The following MAP4K1 variants were observed in gnomAD, a reference collection of about 807,000 sequenced individuals.
The protein encoded by MAP4K1 is MAPK/ERK kinase kinase kinase 1.
MAP4K1 carries 35 observed loss-of-function variants against 122.8 expected under a neutral mutation model. The ratio of observed to expected loss-of-function variants is 0.29; its 90% confidence interval spans 0.22 to 0.38. The LOEUF is 0.38. MAP4K1 is among the 10% of genes least tolerant of loss of function. MAP4K1 has a pLI of 1.00. For synonymous variants in MAP4K1, 412 were observed against 421.3 expected (o/e 0.98, Z 0.27); for missense variants, 791 against 1,072.6 (o/e 0.74, Z 3.67).
intron 8 of MAP4K1, 36 bp downstream of exon 8, chr19:38,613,844 C>G (rs749986966): frequency 1.3e-6 from 2 of 1,543,992 alleles, no homozygotes; most frequent in South Asian, 1.2e-5. Context: ...CACTGACCCC[C>G]ACTCCACCCC....
rs768075136 is a variant in MAP4K1, at chr19:38,610,019, G to C, written c.817C>G (p.Leu273Val). The C allele has an allele frequency of 1.2e-6, 2 of 1,611,868 alleles. No individual in the cohort carries two copies. The highest frequency in any genetic ancestry group is 1.7e-6 in the Non-Finnish European group (2 of 1,177,946). Reference protein sequence around the residue: ...PSATKMLSHQLVSQPGLNRGL... With the variant: ...PSATKMLSHQVVSQPGLNRGL... ...CGATTCAGCCCAGGCTGGGATACCA[G>C]TTGATGCTGGCGGAGGGAAGAGGTG... The change falls in exon 12 of 31, where the codon CTG becomes GTG. Residue 273 changes from leucine (L) to valine (V), a missense_variant. Leu to Val is a conservative substitution (Grantham distance 32). Transcript: ENST00000396857.
At chr19:38,612,929 C>T (rs1004816981) in intron 8 of MAP4K1, among the ~76,000 whole-genome samples, 187 bp from the exon 9 acceptor site, 8 of 152,150 alleles carry the variant, frequency 5.3e-5, no homozygotes, top group East Asian at 3.8e-4. Context: ...CGATGGCTCA[C>T]GCCTGTAATC....
chr19:38,597,396 G>A lies in MAP4K1; in HGVS notation c.1779-12C>T, dbSNP rs1466135699. 2 of 1,614,038 alleles carry A rather than the reference G, an allele frequency of 1.2e-6. No individual in the cohort carries two copies. The highest frequency in any genetic ancestry group is 1.1e-5 in the South Asian group (1 of 91,082). On this transcript the variant is annotated splice_polypyrimidine_tract_variant and intron_variant, in intron 23 of 30. Transcript: ENST00000396857. This position sits in a 1 kb window ranked among gnomAD's most constrained non-coding sequence, Gnocchi z 4.6. ...AAACCATGTTCTTCCTGGAGAATAG[G>A]TAGGTGTGAAGGGGGGTAGGACAGC...
At chr19:38,602,581 T>A (rs984536474) in intron 19 of MAP4K1, among the ~76,000 whole-genome samples, 3 of 148,458 alleles carry the variant, frequency 2.0e-5, no homozygotes, top group Non-Finnish European at 4.5e-5. Context: ...TACATATATA[T>A]ACACATGTAC....
chr19:38,617,483 G>C lies in MAP4K1; in HGVS notation c.158-39C>G. 6.3e-7 allele frequency: 1 copy of C among 1,591,096 alleles called. No individual in the cohort carries two copies. On this transcript the variant is annotated intron_variant, in intron 2 of 30. Coordinates refer to ENST00000396857, the MANE Select transcript of MAP4K1 (RefSeq NM_001042600.3). The surrounding 1 kb of genome is among the most constrained non-coding windows in gnomAD (Gnocchi z 4.1). Reference sequence around the variant, plus strand: ...GGGAGAGAAAAGGCAGCTCGCATGGGGAGAGAGCTACAGGGGAGGTGATCC... The same window carrying C: ...GGGAGAGAAAAGGCAGCTCGCATGGCGAGAGAGCTACAGGGGAGGTGATCC...
intron 30 of MAP4K1, among the ~76,000 whole-genome samples, chr19:38,588,027 C>T (rs1487784382): frequency 2.0e-5 from 3 of 152,124 alleles, no homozygotes; most frequent in Non-Finnish European, 2.9e-5. Context: ...AAAAGCATGG[C>T]ATGTCTGGCA....
At chr19:38,616,141 G>C in intron 4 of MAP4K1, 54 bp downstream of exon 4, 1 of 1,445,328 alleles carries the variant, frequency 6.9e-7, no homozygotes, top group African/African-American at 1.5e-5. Context: ...TTGGGTCGGG[G>C]TTGGGGGGTG....
chr19:38,596,073 A>C, intron 26 of MAP4K1, 72 bp from the exon 27 acceptor site: 1 of 1,467,784 alleles, frequency 6.8e-7, no homozygotes, highest in Non-Finnish European at 9.5e-7. Flanking sequence ...CCAGAAGGCC[A>C]GTACCTGTGC....
intron 13 of MAP4K1, among the ~76,000 whole-genome samples, chr19:38,609,067 A>G (rs925638594): frequency 6.6e-6 from 1 of 152,114 alleles, no homozygotes; most frequent in African/African-American, 2.4e-5. Flanking sequence ...CCGTTTGGGT[A>G]TTGAGGTTCT....
At chr19:38,589,631 T>C (rs1974645443) in intron 30 of MAP4K1, among the ~76,000 whole-genome samples, 1 of 151,982 alleles carries the variant, frequency 6.6e-6, no homozygotes, top group Admixed American at 6.6e-5. Flanking sequence ...GTCAGGCTGG[T>C]CTCAAACTCC....
chr19:38,608,642 A>T (rs1975400691), intron 13 of MAP4K1, among the ~76,000 whole-genome samples: 1 of 151,940 alleles, frequency 6.6e-6, no homozygotes, highest in Non-Finnish European at 1.5e-5. Flanking sequence ...CTAAAAAAAA[A>T]TACAAAAATT....
chr19:38,595,454 A>C lies in MAP4K1; in HGVS notation c.2340+31T>G, dbSNP rs182209665. ...AATGTCATGATGGAGGCTGGGGGGC[A>C]GTGATGTGGAGTTTGGATGGAGGGG... On this transcript the variant is annotated intron_variant, in intron 29 of 30. Coordinates refer to ENST00000396857, the MANE Select transcript of MAP4K1 (RefSeq NM_001042600.3). 377 of 1,609,910 alleles carry C rather than the reference A, an allele frequency of 2.3e-4. 1 individual carries two copies. The African/African-American group carries it at 4.6e-3, about 19-fold the overall frequency.
At position 38,617,108 on chromosome 19, in the gene MAP4K1, G is replaced by A. The variant is rs186148174; in HGVS notation, c.248+246C>T. Among the ~76,000 whole-genome samples the A allele has an allele frequency of 1.2e-3, 180 of 152,080 alleles. No individual in the cohort carries two copies. The highest frequency in any genetic ancestry group is 1.3e-3 in the Non-Finnish European group (91 of 67,992). ...TAAAAATACAAAAATTTGCCGGGCA[G>A]GGTGGTGAGCGCCTGTAATCCCAGC... is the stretch of plus-strand genomic sequence containing the variant. On this transcript the variant is annotated intron_variant, in intron 3 of 30. Coordinates refer to ENST00000396857, the MANE Select transcript of MAP4K1 (RefSeq NM_001042600.3). This position sits in a 1 kb window ranked among gnomAD's most constrained non-coding sequence, Gnocchi z 4.1.
At chr19:38,611,680 T>A (rs1975502364) in intron 9 of MAP4K1, among the ~76,000 whole-genome samples, 1 of 152,084 alleles carries the variant, frequency 6.6e-6, no homozygotes, top group South Asian at 2.1e-4. Flanking sequence ...TGTGAGAGGC[T>A]AAGGCAGGAG....
At chr19:38,591,226 C>T (rs1317963767) in intron 30 of MAP4K1, among the ~76,000 whole-genome samples, 6 of 151,518 alleles carry the variant, frequency 4.0e-5, no homozygotes, top group South Asian at 2.1e-4. Context: ...AAGGCAAATG[C>T]GGTTAAAAAG....
chr19:38,617,256 G>T lies in MAP4K1; in HGVS notation c.248+98C>A. 1 of 842,590 alleles carries T rather than the reference G, an allele frequency of 1.2e-6. No homozygotes were observed. Among genetic ancestry groups the T allele is most frequent in the Admixed American group, 2.0e-5 (1 of 50,480 alleles). The allele number at this position is 842,590 out of a possible 1,614,324, so 52.2% of individuals were successfully genotyped here. ...AAGACTCCATCTCAAAAAAGAAAAA[G>T]AAAAGAAAAAAAAAGAACTGAGGGT... is the stretch of plus-strand genomic sequence containing the variant. On this transcript the variant is annotated intron_variant, in intron 3 of 30. Transcript: ENST00000396857. The surrounding 1 kb of genome is among the most constrained non-coding windows in gnomAD (Gnocchi z 4.1).
In MAP4K1 at chr19:38,603,278, ATACATATACACACACACATACATG is replaced by A. The variant is rs1381146282; in HGVS notation, c.1447-1777_1447-1754del. On this transcript the variant is annotated intron_variant, in intron 19 of 30. Coordinates refer to ENST00000396857, the MANE Select transcript of MAP4K1 (RefSeq NM_001042600.3). ...TATATACGCATATACATATATACAC[ATACATATACACACACACATACATG>A]TATACATATATACACATGTACATAT... Among the ~76,000 whole-genome samples the A allele has an allele frequency of 5.5e-5, 8 of 146,388 alleles. No individual in the cohort carries two copies. In the East Asian group the frequency reaches 5.8e-4, roughly 11 times the overall value.
rs558744345 is a variant in MAP4K1 at position 38,603,002 on chromosome 19, A to G, written c.1447-1477T>C. ...TACGCATATACATATATACATATAC[A>G]TATATACACACATATACATGTATAC... On this transcript the variant is annotated intron_variant, in intron 19 of 30. Transcript: ENST00000396857. Among the ~76,000 whole-genome samples the G allele has an allele frequency of 2.0e-4, 29 of 147,266 alleles. No individual in the cohort carries two copies. In the South Asian group the frequency reaches 2.9e-3, roughly 14 times the overall value.
chr19:38,598,443 C>T (rs1457436148), intron 22 of MAP4K1, among the ~76,000 whole-genome samples: 1 of 152,146 alleles, frequency 6.6e-6, no homozygotes, highest in African/African-American at 2.4e-5. Context: ...ATCCTCCCAC[C>T]TCAGCCTCCC....
Sources: allele counts gnomAD v4.1 joint callset (sites outside exome capture counted in the v4.1 genomes callset), GRCh38; gene constraint gnomAD v4.1.1; non-coding constraint Gnocchi (gnomAD v3.1); transcripts MANE v1.5; gene names NCBI Gene and HGNC (gene_info 2026-07-23, HGNC 2026-07-21).